Variants in UBALD1 observed in about 807,000 individuals in gnomAD.
UBALD1 encodes UBA-like domain-containing protein 1.
UBALD1 carries 5 observed loss-of-function variants against 16.1 expected under a neutral mutation model. The ratio of observed to expected loss-of-function variants is 0.31; its 90% CI spans 0.16 to 0.66. The LOEUF is 0.66. Among genes scored for constraint, UBALD1 ranks in the 30% least tolerant of loss-of-function variants. UBALD1 has a pLI of 0.77. For synonymous variants in UBALD1, 146 were observed against 105.3 expected (o/e 1.39, Z -2.37); for missense variants, 220 against 252.8 (o/e 0.87, Z 0.88).
intron 2 of UBALD1, 150 bp downstream of exon 2, chr16:4,610,343 G>A: frequency 5.0e-6 from 4 of 804,566 alleles, no homozygotes; most frequent in Admixed American, 5.3e-5. Context: ...AGGACCCACG[G>A]AGCCGGGACT....
chr16:4,609,713 C>CT lies in UBALD1; in HGVS notation c.453_454insA (p.Ala152SerfsTer198). ...GGGGCCAGGGGTGGCCAGTCTGAAG[C>CT]CGGAGAAGGGGGTGTTGGAGTCCAC... On this transcript the variant is annotated frameshift_variant, in exon 3 of 3. Transcript: ENST00000283474. LOFTEE classifies it high-confidence loss of function. 1 of 1,475,168 alleles carries CT rather than the reference C, an allele frequency of 6.8e-7. No individual in the cohort carries two copies. Among genetic ancestry groups the CT allele is most frequent in the Non-Finnish European group, 9.0e-7 (1 of 1,114,446 alleles). 91.4% of individuals were successfully genotyped at this position (1,475,168 alleles called of 1,614,324 possible). A position where few individuals can be genotyped will look rare whatever the true frequency, so the allele number is the denominator to read the frequency against.
At chr16:4,610,104 T>C (rs1897339774) in intron 2 of UBALD1, 121 bp from the exon 3 acceptor site, 1 of 852,662 alleles carries the variant, frequency 1.2e-6, no homozygotes, top group African/African-American at 1.7e-5. Flanking sequence ...CTTCCCCAGA[T>C]CCCCAAGCCT....
chr16:4,613,705 G>C (rs1294636283), intron 1 of UBALD1, among the ~76,000 whole-genome samples: 1 of 152,160 alleles, frequency 6.6e-6, no homozygotes, highest in Non-Finnish European at 1.5e-5. Context: ...AACCACCATG[G>C]GGTTAATCCT....
chr16:4,613,429 G>A (rs998361926), intron 1 of UBALD1, among the ~76,000 whole-genome samples: 11 of 152,160 alleles, frequency 7.2e-5, no homozygotes, highest in African/African-American at 2.7e-4. Flanking sequence ...AAGGAGAGAG[G>A]GATGTACTCA....
intron 2 of UBALD1, 195 bp downstream of exon 2, chr16:4,610,296 GGT>G: frequency 2.8e-6 from 2 of 711,116 alleles, no homozygotes; most frequent in Non-Finnish European, 5.0e-6. Context: ...GCGCCCCCCA[GGT>G]CTCAGGGGGA....
chr16:4,610,357 G>C (rs1897344061), intron 2 of UBALD1, 136 bp downstream of exon 2: 1 of 922,268 alleles, frequency 1.1e-6, no homozygotes. Flanking sequence ...CGGGACTCCT[G>C]CTGACCCATC....
chr16:4,611,182 G>A lies in UBALD1; in HGVS notation c.121-627C>T, dbSNP rs138811771. The A allele has an allele frequency of 4.7e-3, 733 of 154,842 alleles. 3 individuals are homozygous for A. The highest frequency in any genetic ancestry group is 8.0e-3 in the Non-Finnish European group (558 of 69,854). The allele number at this position is 154,842 out of a possible 1,614,324, so 9.6% of individuals were successfully genotyped here. A position where few individuals can be genotyped will look rare whatever the true frequency, so the allele number is the denominator to read the frequency against. On this transcript the variant is annotated intron_variant, in intron 1 of 2. Transcript: ENST00000283474. ...AAAGAGGTTCGACTAGGTGGCTCCTGGGTCCCCTCCCTTGCAACAGTGACC... is the reference window on the plus strand; with the variant it reads ...AAAGAGGTTCGACTAGGTGGCTCCTAGGTCCCCTCCCTTGCAACAGTGACC...
intron 1 of UBALD1, chr16:4,613,967 G>T (rs1195926801): frequency 6.6e-6 from 1 of 152,522 alleles, no homozygotes; most frequent in East Asian, 1.9e-4. Flanking sequence ...CACCTCTGAA[G>T]GGGATACACG....
chr16:4,614,885 A>C lies in UBALD1; in HGVS notation c.-88T>G. 1 of 1,302,240 alleles carries C rather than the reference A, an allele frequency of 7.7e-7. No individual in the cohort carries two copies. Among genetic ancestry groups the C allele is most frequent in the East Asian group, 3.0e-5 (1 of 33,072 alleles). 80.7% of individuals were successfully genotyped at this position (1,302,240 alleles called of 1,614,324 possible). A position where few individuals can be genotyped will look rare whatever the true frequency, so the allele number is the denominator to read the frequency against. On this transcript the variant is annotated 5_prime_UTR_variant, in exon 1 of 3. Coordinates refer to ENST00000283474, the MANE Select transcript of UBALD1 (RefSeq NM_145253.3). ...ACCATTAGCGAGCCGGCTCCGGCTA[A>C]TACAAATATTTACTGTGCGGCTCTG...
At chr16:4,610,279 G>C (rs981320371) in intron 2 of UBALD1, 10 of 716,126 alleles carry the variant, frequency 1.4e-5, no homozygotes, top group Non-Finnish European at 2.3e-5. Flanking sequence ...CATTGCCCCA[G>C]AGGCCAGCGC....
At chr16:4,614,498 C>T (rs569132823) in intron 1 of UBALD1, 180 bp downstream of exon 1, 2 of 1,109,226 alleles carry the variant, frequency 1.8e-6, no homozygotes, top group Non-Finnish European at 2.4e-6. Flanking sequence ...CCCACCTCCG[C>T]CCGCCGCGAG....
At position 4,609,887 on chromosome 16, in the gene UBALD1, C is replaced by A; in HGVS notation, c.280G>T (p.Gly94Cys). Reference protein sequence around the residue: ...RLKASESFHSGGSGSPMAATA... With the variant: ...RLKASESFHSCGSGSPMAATA... ...GCGGCCATCGGGCTGCCGCTGCCAC[C>A]GCTGTGGAAGCTCTCGGAGGCCTTG... The change falls in exon 3 of 3, where the codon GGT (glycine) becomes TGT (cysteine). Residue 94 changes from glycine to cysteine, a missense_variant. Gly to Cys is a radical substitution (Grantham distance 159). This residue lies in a region of UBALD1 where 151 missense variants were observed against 132.6 expected (regional missense o/e 1.14). Transcript: ENST00000283474. 1 of 1,557,998 alleles carries A rather than the reference C, an allele frequency of 6.4e-7. No homozygotes were observed.
In UBALD1 at chr16:4,609,925, A is replaced by G; in HGVS notation, c.242T>C (p.Met81Thr). The G allele has an allele frequency of 6.3e-7, 1 of 1,581,266 alleles. No individual in the cohort carries two copies. The highest frequency in any genetic ancestry group is 8.6e-7 in the Non-Finnish European group (1 of 1,165,422). Residue 81 changes from methionine to threonine, a missense_variant, in exon 3 of 3, where the codon ATG becomes ACG. Physicochemically the swap from Met to Thr is moderately conservative, Grantham distance 81. Transcript: ENST00000283474. ...CTCGGAGGCCTTGAGACGGGAGAAC[A>G]TGGTGAGAGCGTCAGGGAAGTTGGG... ...TPPNFPDALT[M>T]FSRLKASESF... is the part of the protein sequence containing the mutation.
Position 4,614,803 on chromosome 16 carries a change from C to A in UBALD1, c.-6G>T. ...TCGTCCATGTTCACGGACATGGCGC[C>A]GCCGCGCTGCCCGCTCCGGCCTCCC... On this transcript the variant is annotated 5_prime_UTR_variant, in exon 1 of 3. Transcript: ENST00000283474. 1 of 1,498,976 alleles carries A rather than the reference C, an allele frequency of 6.7e-7. No homozygotes were observed. The allele number at this position is 1,498,976 out of a possible 1,614,324, so 92.9% of individuals were successfully genotyped here.
At position 4,610,287 on chromosome 16, in the gene UBALD1, C is replaced by T. The variant is rs184738529; in HGVS notation, c.183+206G>A. On this transcript the variant is annotated intron_variant, in intron 2 of 2. Transcript: ENST00000283474. Reference sequence around the variant, plus strand: ...GGAGCTTCATTGCCCCAGAGGCCAGCGCCCCCCAGGTCTCAGGGGGAGCTG... The same window carrying T: ...GGAGCTTCATTGCCCCAGAGGCCAGTGCCCCCCAGGTCTCAGGGGGAGCTG... 6,098 of 715,342 alleles carry T rather than the reference C, an allele frequency of 8.5e-3. 43 individuals are homozygous for T. The highest frequency in any genetic ancestry group is 0.011 in the Non-Finnish European group (4,363 of 398,398). 44.3% of individuals were successfully genotyped at this position (715,342 alleles called of 1,614,324 possible). A position where few individuals can be genotyped will look rare whatever the true frequency, so the allele number is the denominator to read the frequency against.
rs916938182 is a variant in UBALD1 at position 4,609,260 on chromosome 16, C to T, written c.*373G>A. 1.8e-4 allele frequency: 37 copies of T among 202,900 alleles called. No homozygotes were observed. The highest frequency in any genetic ancestry group is 3.3e-4 in the Non-Finnish European group (33 of 101,430). 12.6% of individuals were successfully genotyped at this position (202,900 alleles called of 1,614,324 possible). A position where few individuals can be genotyped will look rare whatever the true frequency, so the allele number is the denominator to read the frequency against. On this transcript the variant is annotated 3_prime_UTR_variant, in exon 3 of 3. Transcript: ENST00000283474. ...CCCTAGGGTGGGGGTCGAGGCCTGC[C>T]GGCCCCCAAGGAGCTCCAAGCCAGG...
At chr16:4,612,672 C>T (rs559230036) in intron 1 of UBALD1, among the ~76,000 whole-genome samples, 7 of 152,164 alleles carry the variant, frequency 4.6e-5, no homozygotes, top group Non-Finnish European at 1.0e-4. Flanking sequence ...CCCATTAGCA[C>T]CTGAATTGCA....
At chr16:4,612,139 A>C (rs1330308742) in intron 1 of UBALD1, among the ~76,000 whole-genome samples, 2 of 146,642 alleles carry the variant, frequency 1.4e-5, no homozygotes, top group African/African-American at 5.1e-5. Context: ...ATCTGGGCTC[A>C]CTGCAACCTT....
chr16:4,612,332 G>A (rs1897368760), intron 1 of UBALD1, among the ~76,000 whole-genome samples: 1 of 152,024 alleles, frequency 6.6e-6, no homozygotes, highest in Non-Finnish European at 1.5e-5. Flanking sequence ...AAAGTGCTGG[G>A]ATTACAGGCA....
Sources: gnomAD v4.1 joint callset for allele counts (sites outside exome capture counted in the v4.1 genomes callset) on GRCh38, gnomAD v4.1.1 for gene constraint, gnomAD v4.1.1 regional missense constraint, MANE v1.5 for transcripts, NCBI Gene and HGNC (gene_info 2026-07-23, HGNC 2026-07-21) for gene names.